The following SLC12A1 variants were observed in gnomAD, a reference collection of about 807,000 sequenced individuals.
SLC12A1 encodes the protein solute carrier family 12 member 1.
Under a neutral mutation model 130.4 loss-of-function variants are expected in SLC12A1, and 89 were observed. The observed-to-expected ratio is 0.68, with a 90% CI of 0.58 to 0.81. The LOEUF is 0.81. Ranked by LOEUF, SLC12A1 falls within the 40% of genes least tolerant of loss-of-function variation. The probability of loss-of-function intolerance (pLI) is 0.00; values close to 1 mark genes in which losing one functional copy is unlikely to be tolerated. For missense variants in SLC12A1, 1,310 were observed against 1,336.4 expected (o/e 0.98, Z 0.31); for synonymous variants, 499 against 460.0 (o/e 1.08, Z -1.09).
intron 17 of SLC12A1, among the ~76,000 whole-genome samples, chr15:48,266,873 C>G (rs912638126): frequency 6.6e-6 from 1 of 152,106 alleles, no homozygotes; most frequent in African/African-American, 2.4e-5. Context: ...TTATAAAATG[C>G]CTTATCAACC....
intron 25 of SLC12A1, among the ~76,000 whole-genome samples, chr15:48,299,606 T>C (rs909806446): frequency 1.5e-4 from 23 of 152,208 alleles, no homozygotes; most frequent in African/African-American, 5.5e-4. Context: ...GTGTGCAAAG[T>C]TGATAAAGTT....
At chr15:48,245,896 G>C (rs1284300058) in intron 11 of SLC12A1, among the ~76,000 whole-genome samples, 1 of 152,182 alleles carries the variant, frequency 6.6e-6, no homozygotes, top group African/African-American at 2.4e-5. Context: ...AGGTGGCCCT[G>C]GAAAGCCTAG....
rs756749123 is a variant in SLC12A1 at position 48,226,600 on chromosome 15, C to T, written c.724+29C>T. ...AAATCTCTAAGATATCTAATGCCCT[C>T]ATCACTTGCTACGGGTAGGCGAACA... On this transcript the variant is annotated intron_variant, in intron 5 of 26. Coordinates refer to ENST00000380993, the MANE Select transcript of SLC12A1 (RefSeq NM_000338.3). The T allele has an allele frequency of 2.9e-6, 4 of 1,367,188 alleles. No individual in the cohort carries two copies. The East Asian group carries it at 6.9e-5, about 24-fold the overall frequency. The allele number at this position is 1,367,188 out of a possible 1,614,324, so 84.7% of individuals were successfully genotyped here. A position where few individuals can be genotyped will look rare whatever the true frequency, so the allele number is the denominator to read the frequency against.
intron 15 of SLC12A1, among the ~76,000 whole-genome samples, chr15:48,253,216 G>A (rs1374226012): frequency 1.3e-5 from 2 of 152,102 alleles, no homozygotes; most frequent in East Asian, 1.9e-4. Context: ...CTTACATATG[G>A]CAAAATTCAG....
chr15:48,260,196 T>C (rs1475664178), intron 17 of SLC12A1, among the ~76,000 whole-genome samples: 5 of 151,228 alleles, frequency 3.3e-5, no homozygotes, highest in African/African-American at 1.2e-4. Context: ...ACCTGGGAGG[T>C]GGAGGTTATG....
intron 8 of SLC12A1, among the ~76,000 whole-genome samples, chr15:48,233,324 G>T (rs946328735): frequency 6.6e-6 from 1 of 152,196 alleles, no homozygotes; most frequent in Non-Finnish European, 1.5e-5. Context: ...ATGTGAAAGT[G>T]CTTTGTAAAC....
intron 13 of SLC12A1, 80 bp from the exon 14 acceptor site, chr15:48,249,495 C>A: frequency 9.5e-7 from 1 of 1,047,626 alleles, no homozygotes; most frequent in South Asian, 1.3e-5. Context: ...CAAATAAATT[C>A]AAGCTTCGAG....
At chr15:48,232,888 T>G in intron 8 of SLC12A1, 50 bp downstream of exon 8, 1 of 1,089,650 alleles carries the variant, frequency 9.2e-7, no homozygotes, top group Non-Finnish European at 1.4e-6. Context: ...TCCATTGCCC[T>G]CCTCATCACC....
intron 9 of SLC12A1, among the ~76,000 whole-genome samples, chr15:48,235,610 G>A (rs548087514): frequency 5.9e-5 from 9 of 151,974 alleles, no homozygotes; most frequent in East Asian, 1.9e-4. Flanking sequence ...GTTTGAGGCC[G>A]GCCTGGGCAA....
At chr15:48,266,461 A>G (rs772424373) in intron 17 of SLC12A1, among the ~76,000 whole-genome samples, 1 of 121,264 alleles carries the variant, frequency 8.2e-6, no homozygotes, top group African/African-American at 2.9e-5. Flanking sequence ...TTTTTTTTTC[A>G]TGCATCCCAA....
intron 5 of SLC12A1, chr15:48,228,017 A>T (rs1178355184): frequency 6.6e-6 from 1 of 152,216 alleles, no homozygotes; most frequent in Non-Finnish European, 1.5e-5. Context: ...CAAAAGAGTT[A>T]CTATAGTGAA....
intron 9 of SLC12A1, among the ~76,000 whole-genome samples, chr15:48,240,465 C>T (rs2041503530): frequency 6.6e-6 from 1 of 152,146 alleles, no homozygotes; most frequent in Non-Finnish European, 1.5e-5. Context: ...TGGCTTACTG[C>T]CATGTGGGGC....
intron 24 of SLC12A1, among the ~76,000 whole-genome samples, chr15:48,292,536 C>A (rs1266260762): frequency 6.6e-6 from 1 of 152,196 alleles, no homozygotes; most frequent in South Asian, 2.1e-4. Flanking sequence ...TTAGTTAGCT[C>A]AGGCTGCTAT....
chr15:48,254,782 G>C (rs1211432726), intron 15 of SLC12A1, among the ~76,000 whole-genome samples: 1 of 151,834 alleles, frequency 6.6e-6, no homozygotes, highest in Admixed American at 6.6e-5. Flanking sequence ...AAATTAGCCG[G>C]GCGTGGTGGC....
At chr15:48,237,899 G>T (rs564285342) in intron 9 of SLC12A1, among the ~76,000 whole-genome samples, 1 of 152,274 alleles carries the variant, frequency 6.6e-6, no homozygotes, top group East Asian at 1.9e-4. Flanking sequence ...GAAGACTGGA[G>T]GCAGAAAGAT....
intron 15 of SLC12A1, among the ~76,000 whole-genome samples, chr15:48,252,058 C>T (rs1374702479): frequency 1.3e-5 from 2 of 151,982 alleles, no homozygotes; most frequent in Non-Finnish European, 2.9e-5. Context: ...CAAAAATTAG[C>T]TGGGTGTGGT....
At chr15:48,230,567 T>TTCCCTCTACTCCTGC in intron 7 of SLC12A1, 64 bp downstream of exon 7, 1 of 962,428 alleles carries the variant, frequency 1.0e-6, no homozygotes, top group Non-Finnish European at 1.6e-6. Context: ...ATTGCAGGAG[T>TTCCCTCTACTCCTGC]AGAGGGAACT....
intron 12 of SLC12A1, 94 bp downstream of exon 12, chr15:48,247,110 T>C: frequency 9.0e-7 from 1 of 1,116,266 alleles, no homozygotes; most frequent in Non-Finnish European, 1.3e-6. Context: ...GCAATCATTT[T>C]CCATCATTTT....
chr15:48,210,916 A>G (rs1324912552), intron 2 of SLC12A1, among the ~76,000 whole-genome samples: 1 of 152,126 alleles, frequency 6.6e-6, no homozygotes, highest in East Asian at 1.9e-4. Context: ...TAGGAATGTT[A>G]TAGCTGCATT....
Sources: allele counts gnomAD v4.1 joint callset (sites outside exome capture counted in the v4.1 genomes callset), GRCh38; gene constraint gnomAD v4.1.1; transcripts MANE v1.5; gene names NCBI Gene and HGNC (gene_info 2026-07-23, HGNC 2026-07-21).